DAB2IP: variants seen among roughly 807,000 people sequenced by gnomAD.
The protein encoded by DAB2IP is DAB2 interacting protein.
In DAB2IP, 28 loss-of-function variants were observed where a neutral mutation model predicts 107.2. That is an observed-to-expected ratio of 0.26 (90% CI 0.19 to 0.36). The LOEUF (loss-of-function observed/expected upper bound fraction) is 0.36. Among genes scored for constraint, DAB2IP ranks in the 10% least tolerant of loss-of-function variants. DAB2IP has a pLI of 1.00. For synonymous variants in DAB2IP, 755 were observed against 706.4 expected, an observed-to-expected ratio of 1.07 and a Z score of -1.09; for missense variants, 1,400 against 1,644.7, an observed-to-expected ratio of 0.85 and a Z score of 2.57.
chr9:121,759,821 G>A (rs1833758506), intron 5 of DAB2IP, 64 bp from the exon 6 acceptor site: 10 of 1,461,752 alleles, frequency 6.8e-6, no homozygotes, highest in Non-Finnish European at 8.4e-6. Flanking sequence ...CTCAGGCTCT[G>A]GGCTGGTTGG....
chr9:121,570,662 C>A (rs1390958702), intron 1 of DAB2IP, among the ~76,000 whole-genome samples: 2 of 152,154 alleles, frequency 1.3e-5, no homozygotes, highest in African/African-American at 4.8e-5. Flanking sequence ...AATCCTCCTG[C>A]TTCAGCCTTC....
At chr9:121,654,391 A>C (rs1564136563) in intron 1 of DAB2IP, among the ~76,000 whole-genome samples, 1 of 152,168 alleles carries the variant, frequency 6.6e-6, no homozygotes, top group African/African-American at 2.4e-5. Context: ...CAGGAGTTCA[A>C]GACCAGCCTG....
At chr9:121,763,376 C>T (rs962890584) in intron 6 of DAB2IP, 129 bp from the exon 7 acceptor site, 67 of 1,335,976 alleles carry the variant, frequency 5.0e-5, no homozygotes, top group Admixed American at 1.3e-4. Flanking sequence ...TGTTCCTCTC[C>T]GGGACCCCCG....
At chr9:121,580,770 G>A (rs1350679466) in intron 1 of DAB2IP, among the ~76,000 whole-genome samples, 6 of 152,024 alleles carry the variant, frequency 3.9e-5, no homozygotes, top group South Asian at 2.1e-4. Context: ...GACTACAGGC[G>A]CCAACCACCA....
rs968091288 is a variant in DAB2IP, at chr9:121,736,013, G to C, written c.363-21000G>C. On this transcript the variant is annotated intron_variant, in intron 3 of 15. Transcript: ENST00000408936. The surrounding 1 kb of genome is among the most constrained non-coding windows in gnomAD (Gnocchi z 4.6). The stretch of plus-strand genomic sequence containing the variant: ...TCCCTTCTGTCCTGCCGGACTAGCC[G>C]GGTGCTTTCCAGAAGAGAAAACCCG... Among the ~76,000 whole-genome samples the C allele has an allele frequency of 6.6e-6, 1 of 152,172 alleles. No homozygotes were observed. The highest frequency in any genetic ancestry group is 1.5e-5 in the Non-Finnish European group (1 of 68,038).
At chr9:121,764,203 C>A (rs1378496492) in intron 8 of DAB2IP, among the ~76,000 whole-genome samples, 1 of 152,160 alleles carries the variant, frequency 6.6e-6, no homozygotes, top group East Asian at 1.9e-4. Context: ...TTGGGGTGGG[C>A]GGATGGCTTC....
chr9:121,578,079 A>G (rs1253824090), intron 1 of DAB2IP, among the ~76,000 whole-genome samples: 3 of 151,574 alleles, frequency 2.0e-5, no homozygotes, highest in Non-Finnish European at 2.9e-5. Flanking sequence ...CTGCTCAGAG[A>G]CCCTTTAGTC....
intron 1 of DAB2IP, among the ~76,000 whole-genome samples, chr9:121,677,410 T>C (rs2119132764): frequency 6.6e-6 from 1 of 152,238 alleles, no homozygotes; most frequent in South Asian, 2.1e-4. Context: ...TGGTCCCAGC[T>C]ACTTGGGAGG....
intron 8 of DAB2IP, among the ~76,000 whole-genome samples, chr9:121,765,848 A>G (rs1834242313): frequency 6.6e-6 from 1 of 152,166 alleles, no homozygotes; most frequent in African/African-American, 2.4e-5. Context: ...GGCTTGCTCC[A>G]TCACCCTGGG....
Position 121,772,890 on chromosome 9 carries a change from C to T in DAB2IP, c.2362C>T (p.Arg788Trp), listed in dbSNP as rs767098011. The T allele has an allele frequency of 3.2e-5, 51 of 1,575,944 alleles. No individual in the cohort carries two copies. The highest frequency in any genetic ancestry group is 4.1e-5 in the Non-Finnish European group (48 of 1,164,922). Residue 788 changes from arginine to tryptophan, a missense_variant, in exon 12 of 16, where the codon CGG (arginine) becomes TGG (tryptophan). Arg to Trp is a moderately radical substitution (Grantham distance 101). Transcript: ENST00000408936. The surrounding 1 kb of genome is among the most constrained non-coding windows in gnomAD (Gnocchi z 4.7). ...TCAGCTGGTGGCCGGGTGGCCGGCC[C>T]GGGCAACCCCAGTGAACCTGGCAGG...
At position 121,782,923 on chromosome 9, in the gene DAB2IP, T is replaced by C. The variant is rs965401554; in HGVS notation, c.*425T>C. On this transcript the variant is annotated 3_prime_UTR_variant, in exon 16 of 16. Transcript: ENST00000408936. The surrounding 1 kb of genome is among the most constrained non-coding windows in gnomAD (Gnocchi z 6.1). ...AGGGGCCTACACCTGTGGCTTCCCC[T>C]CGCCTCCTTGGGGGGCCCGGGACTC... 1.1e-5 allele frequency: 11 copies of C among 1,021,320 alleles called. No individual in the cohort carries two copies. The highest frequency in any genetic ancestry group is 4.8e-4 in the Middle Eastern group (1 of 2,082). The allele number at this position is 1,021,320 out of a possible 1,614,324, so 63.3% of individuals were successfully genotyped here.
At chr9:121,750,441 C>T (rs994819176) in intron 3 of DAB2IP, among the ~76,000 whole-genome samples, 11 of 152,296 alleles carry the variant, frequency 7.2e-5, no homozygotes, top group Admixed American at 2.6e-4. Context: ...AGGGGCCCCC[C>T]GGCTCCTGCT....
chr9:121,572,641 G>T (rs537940307), intron 1 of DAB2IP, among the ~76,000 whole-genome samples: 1 of 152,248 alleles, frequency 6.6e-6, no homozygotes, highest in East Asian at 1.9e-4. Context: ...CCCTGACTTA[G>T]CCTCAGCTTC....
chr9:121,576,804 G>T (rs1240586670), intron 1 of DAB2IP, among the ~76,000 whole-genome samples: 6 of 152,172 alleles, frequency 3.9e-5, no homozygotes, highest in Non-Finnish European at 1.5e-5. Flanking sequence ...TGAAGGGCCT[G>T]CAGGGCCATC....
rs541299973 is a variant in DAB2IP at position 121,672,899 on chromosome 9, T to C, written c.125-5779T>C. Reference sequence around the variant, plus strand: ...ACCTATGGGACCATGAGGCCAGGCCTCCCAGTGTCTGTTTGCCCAAATTAG... The same window carrying C: ...ACCTATGGGACCATGAGGCCAGGCCCCCCAGTGTCTGTTTGCCCAAATTAG... On this transcript the variant is annotated intron_variant, in intron 1 of 15. Transcript: ENST00000408936. Among the ~76,000 whole-genome samples, 10 of 152,346 alleles carry C rather than the reference T, an allele frequency of 6.6e-5. No individual in the cohort carries two copies. In the East Asian group the frequency reaches 1.9e-3, roughly 29 times the overall value.
At chr9:121,606,776 G>GT (rs1033556948) in intron 1 of DAB2IP, among the ~76,000 whole-genome samples, 477 of 144,254 alleles carry the variant, frequency 3.3e-3, no homozygotes, top group South Asian at 6.5e-3. Context: ...TTTGTTTTTT[G>GT]TTTTTTTTTT....
chr9:121,663,514 C>T (rs1026330669), intron 1 of DAB2IP, among the ~76,000 whole-genome samples: 9 of 152,154 alleles, frequency 5.9e-5, no homozygotes, highest in Admixed American at 5.2e-4. Context: ...CTACAGTTGT[C>T]CCCATGTCCC....
At position 121,699,434 on chromosome 9, in the gene DAB2IP, C is replaced by T. The variant is rs767176388; in HGVS notation, c.338C>T (p.Ala113Val). 2.1e-6 allele frequency: 3 copies of T among 1,446,172 alleles called. No individual in the cohort carries two copies. Among genetic ancestry groups the T allele is most frequent in the South Asian group, 1.4e-5 (1 of 73,916 alleles). The allele number at this position is 1,446,172 out of a possible 1,614,324, so 89.6% of individuals were successfully genotyped here. ...ATCCTGCCGGGGTTCCGGAGCGCCG[C>T]CGCCGCCGCCGCGGACAATGAGAGG... is the stretch of plus-strand genomic sequence containing the variant. The change falls in exon 3 of 16, where the codon GCC becomes GTC. Residue 113 changes from alanine to valine, a missense_variant. Physicochemically the swap from Ala to Val is moderately conservative, Grantham distance 64 (BLOSUM62 0). Around this residue, in one of 3 missense-constraint regions of DAB2IP, gnomAD observed 283 missense variants for 237.0 expected, o/e 1.19. Coordinates refer to ENST00000408936, the Ensembl canonical transcript of DAB2IP. This position sits in a 1 kb window ranked among gnomAD's most constrained non-coding sequence, Gnocchi z 6.2.
chr9:121,759,083 G>T, intron 5 of DAB2IP, 87 bp downstream of exon 5: 2 of 1,385,088 alleles, frequency 1.4e-6, no homozygotes, highest in South Asian at 1.2e-5. Context: ...TCTGTGGTGT[G>T]GGCTGGGATT....
Sources: gnomAD v4.1 joint callset for allele counts (sites outside exome capture counted in the v4.1 genomes callset) on GRCh38, gnomAD v4.1.1 for gene constraint, gnomAD v4.1.1 regional missense constraint, Gnocchi (gnomAD v3.1) non-coding constraint, MANE v1.5 for transcripts, NCBI Gene and HGNC (gene_info 2026-07-23, HGNC 2026-07-21) for gene names.